The following TMC2 variants were observed in gnomAD, a reference collection of about 807,000 sequenced individuals.
TMC2 encodes transmembrane channel-like protein 2.
Under a neutral mutation model 105.9 loss-of-function variants are expected in TMC2, and 102 were observed. That is an observed-to-expected ratio of 0.96 (90% CI 0.82 to 1.14). The LOEUF (loss-of-function observed/expected upper bound fraction) is 1.14. TMC2 is among the 50% of genes most tolerant of loss of function. TMC2 has a pLI of 0.00. For synonymous variants in TMC2, 402 were observed against 422.8 expected, an observed-to-expected ratio of 0.95 and a Z score of 0.60; for missense variants, 1,093 against 1,134.3, an observed-to-expected ratio of 0.96 and a Z score of 0.52.
chr20:2,632,550 C>G (rs2086610814), intron 17 of TMC2, among the ~76,000 whole-genome samples: 1 of 151,848 alleles, frequency 6.6e-6, no homozygotes, highest in Non-Finnish European at 1.5e-5. Context: ...GCCAGGCTTT[C>G]TTTTTTCTTT....
At position 2,616,042 on chromosome 20, in the gene TMC2, G is replaced by T; in HGVS notation, c.1873-95G>T. ...AGGCTCTTTGGGATGGAATGGCCTT[G>T]GCTTGGCCAGTTGGTTGGTAGTAGG... On this transcript the variant is annotated intron_variant, in intron 14 of 19. Coordinates refer to ENST00000358864, the MANE Select transcript of TMC2 (RefSeq NM_080751.3). The surrounding 1 kb of genome is among the most constrained non-coding windows in gnomAD (Gnocchi z 4.8). The T allele has an allele frequency of 1.1e-6, 1 of 936,058 alleles. No homozygotes were observed. The highest frequency in any genetic ancestry group is 1.4e-5 in the South Asian group (1 of 71,444). The allele number at this position is 936,058 out of a possible 1,614,324, so 58.0% of individuals were successfully genotyped here. A position where few individuals can be genotyped will look rare whatever the true frequency, so the allele number is the denominator to read the frequency against.
chr20:2,545,193 C>T (rs939720088), intron 2 of TMC2, among the ~76,000 whole-genome samples: 5 of 151,942 alleles, frequency 3.3e-5, no homozygotes, highest in Non-Finnish European at 1.5e-5. Context: ...GGTGGTAGAG[C>T]AAGATTCTGT....
intron 7 of TMC2, among the ~76,000 whole-genome samples, chr20:2,585,693 A>G (rs1161664634): frequency 6.6e-6 from 1 of 152,186 alleles, no homozygotes; most frequent in Non-Finnish European, 1.5e-5. Flanking sequence ...AACCTTACTT[A>G]TGTGGCTGTT....
intron 11 of TMC2, among the ~76,000 whole-genome samples, chr20:2,603,631 A>G (rs913159022): frequency 1.3e-5 from 2 of 152,232 alleles, no homozygotes; most frequent in African/African-American, 4.8e-5. Context: ...AATTAATTAA[A>G]AGCCCTAAAA....
At chr20:2,537,617 G>T (rs2085858926) in intron 2 of TMC2, among the ~76,000 whole-genome samples, 1 of 151,526 alleles carries the variant, frequency 6.6e-6, no homozygotes, top group African/African-American at 2.4e-5. Context: ...CTCGGTGCAG[G>T]CTTCTGGCGG....
rs73574059 is a variant in TMC2, at chr20:2,642,811, C to T, written c.*1460C>T. Among the ~76,000 whole-genome samples, 29 of 152,164 alleles carry T rather than the reference C, an allele frequency of 1.9e-4. 1 individual carries two copies. The highest frequency in any genetic ancestry group is 7.0e-4 in the African/African-American group (29 of 41,464). On this transcript the variant is annotated 3_prime_UTR_variant, in exon 20 of 20. Coordinates refer to ENST00000358864, the MANE Select transcript of TMC2 (RefSeq NM_080751.3). ...CCTCAGAGGGCCCCAGAGACCCTCTCACCCATGTCTCTGAGTGTTCTAAAG... is the reference window on the plus strand; with the variant it reads ...CCTCAGAGGGCCCCAGAGACCCTCTTACCCATGTCTCTGAGTGTTCTAAAG...
intron 7 of TMC2, among the ~76,000 whole-genome samples, chr20:2,582,976 G>T (rs2086205588): frequency 6.6e-6 from 1 of 152,160 alleles, no homozygotes; most frequent in African/African-American, 2.4e-5. Flanking sequence ...GGCTGGCAAG[G>T]CCCCACTGGA....
At chr20:2,562,219 G>A (rs1445963794) in intron 4 of TMC2, among the ~76,000 whole-genome samples, 2 of 152,368 alleles carry the variant, frequency 1.3e-5, no homozygotes, top group East Asian at 1.9e-4. Context: ...TGGAAGACTC[G>A]GAGGACTCCC....
chr20:2,610,423 A>G lies in TMC2; in HGVS notation c.1418A>G (p.Glu473Gly), dbSNP rs2086427088. ...TAGGCTTTCCTGATTCCTCAGGTAG[A>G]GATCGTGATGTCCCTGCTTGGAATG... is the stretch of plus-strand genomic sequence containing the variant. The part of the protein sequence containing the change: ...NVSWYERNEV[E>G]IVMSLLGMFC... The change falls in exon 12 of 20, where the codon GAG becomes GGG. Residue 473 changes from glutamate to glycine, a missense_variant. By Grantham distance (98) the Glu-to-Gly change is moderately conservative (BLOSUM62 -2). Transcript: ENST00000358864. The G allele has an allele frequency of 1.9e-6, 3 of 1,610,642 alleles. No homozygotes were observed. Among genetic ancestry groups the G allele is most frequent in the African/African-American group, 2.7e-5 (2 of 74,764 alleles).
Position 2,570,857 on chromosome 20 carries a change from C to G in TMC2, c.555-1322C>G, listed in dbSNP as rs113281470. 2.7e-3 allele frequency among the ~76,000 whole-genome samples: 412 copies of G among 152,224 alleles called. 3 individuals are homozygous for G. Among genetic ancestry groups the G allele is most frequent in the African/African-American group, 8.1e-3 (335 of 41,550 alleles). On this transcript the variant is annotated intron_variant, in intron 4 of 19. Transcript: ENST00000358864. ...CAGAAATAAAGCTGCCCACCTACAA[C>G]CATCTGATCTTCAATAAAATCAACA...
In TMC2 at chr20:2,597,199, C is replaced by T. The variant is rs1439660366; in HGVS notation, c.1125C>T (p.Asn375=). The T allele has an allele frequency of 6.2e-7, 1 of 1,614,118 alleles. No individual in the cohort carries two copies. The change falls in exon 10 of 20, where the codon AAC becomes AAT. Residue 375 remains asparagine, a synonymous_variant. Coordinates refer to ENST00000358864, the MANE Select transcript of TMC2 (RefSeq NM_080751.3). ...QGSTGEGESD[N]FTFSFKMFTS... is the part of the protein sequence containing the mutation. ...GCACAGGCGAAGGGGAGAGTGACAA[C>T]TTCACATTCAGCTTCAAGATGTTCA... is the stretch of plus-strand genomic sequence containing the variant.
chr20:2,600,505 C>T (rs551124037), intron 10 of TMC2, among the ~76,000 whole-genome samples: 1 of 152,234 alleles, frequency 6.6e-6, no homozygotes, highest in Non-Finnish European at 1.5e-5. Context: ...TGGGGAAACC[C>T]TGCCTCTACT....
intron 10 of TMC2, among the ~76,000 whole-genome samples, chr20:2,601,304 G>C (rs2086349983): frequency 6.6e-6 from 1 of 152,214 alleles, no homozygotes; most frequent in Non-Finnish European, 1.5e-5. Flanking sequence ...ATGCCACAAT[G>C]GCATAGCTGA....
chr20:2,558,885 C>CAGAG lies in TMC2; in HGVS notation c.401+111_401+112insAGAG. On this transcript the variant is annotated intron_variant, in intron 3 of 19. Coordinates refer to ENST00000358864, the MANE Select transcript of TMC2 (RefSeq NM_080751.3). This position sits in a 1 kb window ranked among gnomAD's most constrained non-coding sequence, Gnocchi z 4.6. ...GCCCCCCTCCCCGGGGAGAGGCAGC[C>CAGAG]CGTGCCCTCGCTCTGGCTTCCGTGC... 8.7e-7 allele frequency: 1 copy of CAGAG among 1,155,078 alleles called. No individual in the cohort carries two copies. The highest frequency in any genetic ancestry group is 1.2e-6 in the Non-Finnish European group (1 of 836,832). 71.6% of individuals were successfully genotyped at this position (1,155,078 alleles called of 1,614,324 possible).
intron 5 of TMC2, among the ~76,000 whole-genome samples, chr20:2,574,885 C>T (rs994424863): frequency 6.6e-6 from 1 of 152,022 alleles, no homozygotes; most frequent in African/African-American, 2.4e-5. Context: ...GCCACCATAC[C>T]CGGCTAATTT....
At chr20:2,626,950 G>A (rs559177363) in intron 17 of TMC2, among the ~76,000 whole-genome samples, 3 of 152,308 alleles carry the variant, frequency 2.0e-5, no homozygotes, top group East Asian at 3.9e-4. Flanking sequence ...ACAGCCCTTC[G>A]TATTTATTGG....
At chr20:2,639,039 G>A (rs1344415103) in intron 19 of TMC2, among the ~76,000 whole-genome samples, 1 of 152,086 alleles carries the variant, frequency 6.6e-6, no homozygotes, top group Non-Finnish European at 1.5e-5. Flanking sequence ...GGGATTACAG[G>A]TGCCCACCAC....
At position 2,617,073 on chromosome 20, in the gene TMC2, A is replaced by T. The variant is rs573640313; in HGVS notation, c.1942A>T (p.Met648Leu). ...GLIFNQGMIW[M>L]GSFYAPGLVG... ...GGTGTTTGGTTTCTGCCATTCCAGGATGGGCTCCTTCTATGCTCCAGGCCT... is the reference window on the plus strand; with the variant it reads ...GGTGTTTGGTTTCTGCCATTCCAGGTTGGGCTCCTTCTATGCTCCAGGCCT... The change falls in exon 16 of 20, where the codon ATG becomes TTG. Residue 648 changes from methionine (M) to leucine (L), a missense_variant and splice_region_variant. Physicochemically the swap from Met to Leu is conservative, Grantham distance 15. Transcript: ENST00000358864. 1 of 1,614,112 alleles carries T rather than the reference A, an allele frequency of 6.2e-7. No individual in the cohort carries two copies. The highest frequency in any genetic ancestry group is 1.1e-5 in the South Asian group (1 of 91,082).
intron 2 of TMC2, among the ~76,000 whole-genome samples, chr20:2,550,055 C>T (rs774372503): frequency 6.6e-6 from 1 of 151,800 alleles, no homozygotes; most frequent in Non-Finnish European, 1.5e-5. Flanking sequence ...TAGTGGTGCG[C>T]ACCTATAATC....
Sources: gnomAD v4.1 joint callset for allele counts (sites outside exome capture counted in the v4.1 genomes callset) on GRCh38, gnomAD v4.1.1 for gene constraint, Gnocchi (gnomAD v3.1) non-coding constraint, MANE v1.5 for transcripts, NCBI Gene and HGNC (gene_info 2026-07-23, HGNC 2026-07-21) for gene names.